The following CCSER1 variants were observed in gnomAD, a reference collection of about 807,000 sequenced individuals.
CCSER1 encodes the protein coiled-coil serine rich protein 1, also known as serine-rich coiled-coil domain-containing protein 1.
Under a neutral mutation model 82.0 loss-of-function variants are expected in CCSER1, and 41 were observed. The observed-to-expected ratio is 0.50, with a 90% CI of 0.39 to 0.65. The LOEUF (loss-of-function observed/expected upper bound fraction) is 0.65, where lower values mean the gene tolerates loss of function less well. Among genes scored for constraint, CCSER1 ranks in the 30% least tolerant of loss-of-function variants. The probability of loss-of-function intolerance (pLI) is 0.00; values close to 1 mark genes in which losing one functional copy is unlikely to be tolerated. For synonymous variants in CCSER1, 414 were observed against 383.9 expected, an observed-to-expected ratio of 1.08 and a Z score of -0.92; for missense variants, 1,119 against 1,064.2, an observed-to-expected ratio of 1.05 and a Z score of -0.72.
chr4:90,616,691 A>T (rs1413664513), intron 5 of CCSER1, among the ~76,000 whole-genome samples: 14 of 77,768 alleles, frequency 1.8e-4, no homozygotes, highest in African/African-American at 7.5e-4. Context: ...TCTCACACAC[A>T]CACACACACA....
intron 10 of CCSER1, among the ~76,000 whole-genome samples, chr4:91,557,234 AATT>A (rs1762448341): frequency 6.6e-6 from 1 of 151,298 alleles, no homozygotes; most frequent in African/African-American, 2.4e-5. Context: ...TATACAAGTC[AATT>A]ATTTGTTTCT....
chr4:90,576,402 A>G (rs1371378694), intron 5 of CCSER1, among the ~76,000 whole-genome samples: 2 of 152,142 alleles, frequency 1.3e-5, no homozygotes, highest in South Asian at 4.1e-4. Flanking sequence ...CATAGTTTAC[A>G]TTACAGTTCA....
intron 10 of CCSER1, among the ~76,000 whole-genome samples, chr4:91,353,429 A>G (rs1430948943): frequency 6.6e-6 from 1 of 152,210 alleles, no homozygotes; most frequent in Non-Finnish European, 1.5e-5. Context: ...TTTCTAAGTT[A>G]TGAGTTGATT....
At chr4:90,564,541 G>C (rs1020986170) in intron 5 of CCSER1, among the ~76,000 whole-genome samples, 3 of 151,932 alleles carry the variant, frequency 2.0e-5, no homozygotes, top group Admixed American at 6.6e-5. Context: ...AATTCCATTT[G>C]TCTATTTTTG....
rs567414069 is a variant in CCSER1, at chr4:90,508,368, AT to A, written c.1724+40022del. On this transcript the variant is annotated intron_variant, in intron 5 of 10. Transcript: ENST00000509176. Reference sequence around the variant, plus strand: ...AAAATTAAAGTTGTCCTTTTTCTGGATTTTTTTTCATTTAGACCTCACAGAC... The same window carrying A: ...AAAATTAAAGTTGTCCTTTTTCTGGATTTTTTTCATTTAGACCTCACAGAC... 2.4e-4 allele frequency among the ~76,000 whole-genome samples: 37 copies of A among 151,680 alleles called. No homozygotes were observed. In the Middle Eastern group the frequency reaches 0.014, roughly 56 times the overall value.
intron 9 of CCSER1, among the ~76,000 whole-genome samples, chr4:90,974,574 C>T (rs566836621): frequency 6.6e-6 from 1 of 151,334 alleles, no homozygotes; most frequent in Admixed American, 6.6e-5. Flanking sequence ...ATATTTTTCT[C>T]TAAATAAGAT....
chr4:91,108,216 T>G (rs1725811900), intron 10 of CCSER1: 1 of 152,236 alleles, frequency 6.6e-6, no homozygotes, highest in Non-Finnish European at 1.5e-5. Context: ...TGCCAATATG[T>G]GATTCCTGAT....
chr4:90,169,639 A>G (rs1731248604), intron 1 of CCSER1, among the ~76,000 whole-genome samples: 2 of 152,044 alleles, frequency 1.3e-5, no homozygotes, highest in Non-Finnish European at 2.9e-5. Flanking sequence ...GCTATAAACC[A>G]TCATGTTACT....
intron 10 of CCSER1, among the ~76,000 whole-genome samples, chr4:91,425,539 C>T (rs536664214): frequency 6.6e-6 from 1 of 152,008 alleles, no homozygotes; most frequent in Non-Finnish European, 1.5e-5. Flanking sequence ...AAATGTGTTG[C>T]TATATTACCA....
intron 10 of CCSER1, among the ~76,000 whole-genome samples, chr4:91,249,843 T>C (rs1740115054): frequency 6.6e-6 from 1 of 152,104 alleles, no homozygotes; most frequent in Non-Finnish European, 1.5e-5. Flanking sequence ...TGTCAGCTCC[T>C]TGAGGGCAGA....
At chr4:90,163,479 C>T (rs902476727) in intron 1 of CCSER1, among the ~76,000 whole-genome samples, 1 of 152,018 alleles carries the variant, frequency 6.6e-6, no homozygotes, top group African/African-American at 2.4e-5. Context: ...TTAGTTTATT[C>T]TGTTAGTGTA....
intron 10 of CCSER1, among the ~76,000 whole-genome samples, chr4:91,509,499 A>G (rs1189120392): frequency 1.3e-5 from 2 of 152,106 alleles, no homozygotes; most frequent in Non-Finnish European, 2.9e-5. Flanking sequence ...GGCCTAACAC[A>G]TGGTATATTC....
intron 5 of CCSER1, among the ~76,000 whole-genome samples, chr4:90,575,134 G>A (rs1350751793): frequency 1.3e-5 from 2 of 152,210 alleles, no homozygotes; most frequent in South Asian, 2.1e-4. Context: ...GTCATCAGTT[G>A]TCAGTGATGT....
intron 3 of CCSER1, among the ~76,000 whole-genome samples, chr4:90,380,656 T>A (rs922889278): frequency 3.3e-5 from 5 of 152,206 alleles, no homozygotes; most frequent in Non-Finnish European, 7.3e-5. Context: ...ATTTCAACTA[T>A]TTTCAGGTTT....
intron 10 of CCSER1, among the ~76,000 whole-genome samples, chr4:91,560,472 A>G (rs947890102): frequency 6.6e-6 from 1 of 151,624 alleles, no homozygotes; most frequent in African/African-American, 2.4e-5. Context: ...ATTTAAAACA[A>G]AACAATTTTC....
intron 5 of CCSER1, among the ~76,000 whole-genome samples, chr4:90,565,550 T>C (rs923134338): frequency 5.9e-5 from 9 of 152,218 alleles, no homozygotes; most frequent in Non-Finnish European, 1.3e-4. Context: ...CAGTACTATA[T>C]TGAATGGAAG....
At position 91,598,380 on chromosome 4, in the gene CCSER1, A is replaced by C. The variant is rs184089383; in HGVS notation, c.2218-192A>C. Among the ~76,000 whole-genome samples, 5 of 152,292 alleles carry C rather than the reference A, an allele frequency of 3.3e-5. No homozygotes were observed. In the East Asian group the frequency reaches 9.6e-4, roughly 29 times the overall value. Reference sequence around the variant, plus strand: ...TAAAAATGCCTTTTAGAGTAAATTAACCATTTAATCACTATCTGTAATAGT... The same window carrying C: ...TAAAAATGCCTTTTAGAGTAAATTACCCATTTAATCACTATCTGTAATAGT... On this transcript the variant is annotated intron_variant, in intron 10 of 10. Coordinates refer to ENST00000509176, the MANE Select transcript of CCSER1 (RefSeq NM_001145065.2).
chr4:91,044,039 T>G (rs1014424793), intron 9 of CCSER1, among the ~76,000 whole-genome samples: 6 of 152,170 alleles, frequency 3.9e-5, no homozygotes, highest in African/African-American at 1.4e-4. Context: ...AAGACCCAGG[T>G]GTTTACCTCC....
chr4:90,276,317 T>TTC (rs1553984741), intron 1 of CCSER1, among the ~76,000 whole-genome samples: 2 of 113,312 alleles, frequency 1.8e-5, no homozygotes, highest in African/African-American at 4.3e-5. Flanking sequence ...CTTTCTTTCT[T>TTC]TTTCTTTCTT....
Sources: gnomAD v4.1 joint callset for allele counts (sites outside exome capture counted in the v4.1 genomes callset) on GRCh38, gnomAD v4.1.1 for gene constraint, MANE v1.5 for transcripts, NCBI Gene and HGNC (gene_info 2026-07-23, HGNC 2026-07-21) for gene names.